The following UFSP2 variants were observed in gnomAD, a reference collection of about 807,000 sequenced individuals.
UFSP2 encodes the protein UFM1 specific peptidase 2.
In UFSP2, 43 loss-of-function variants were observed where a neutral mutation model predicts 60.2. That is an observed-to-expected ratio of 0.71 (90% CI 0.56 to 0.92). The LOEUF is 0.92. Among genes scored for constraint, UFSP2 ranks in the 40% least tolerant of loss-of-function variants. The pLI is 0.00. For missense variants in UFSP2, 520 were observed against 575.0 expected, an observed-to-expected ratio of 0.90 and a Z score of 0.98; for synonymous variants, 183 against 195.1, an observed-to-expected ratio of 0.94 and a Z score of 0.52.
chr4:185,418,535 A>G, intron 3 of UFSP2, 28 bp from the exon 4 acceptor site: 2 of 1,609,908 alleles, frequency 1.2e-6, no homozygotes. Flanking sequence ...AGACATTTAT[A>G]ATATGAAATG....
At chr4:185,416,862 G>A (rs1180471038) in intron 4 of UFSP2, among the ~76,000 whole-genome samples, 2 of 152,066 alleles carry the variant, frequency 1.3e-5, no homozygotes, top group Non-Finnish European at 2.9e-5. Context: ...AAGCATCTAT[G>A]GCAGATAATA....
rs542256425 is a variant in UFSP2 at position 185,413,820 on chromosome 4, G to C, written c.737C>G (p.Ser246Cys). The C allele has an allele frequency of 4.3e-6, 7 of 1,613,238 alleles. No individual in the cohort carries two copies. The highest frequency in any genetic ancestry group is 5.1e-6 in the Non-Finnish European group (6 of 1,179,572). ...CTCATCTGGAAAGTGATAAGCATTAGACCTTTTGAAATAGGGTCTGTCGTG... is the reference window on the plus strand; with the variant it reads ...CTCATCTGGAAAGTGATAAGCATTACACCTTTTGAAATAGGGTCTGTCGTG... ...LPHDRPYFKR[S>C]NAYHFPDEPY... Residue 246 changes from serine to cysteine, a missense_variant, in exon 7 of 12, where the codon TCT becomes TGT. Transcript: ENST00000264689.
At chr4:185,410,735 A>G (rs978541122) in intron 7 of UFSP2, among the ~76,000 whole-genome samples, 2 of 152,138 alleles carry the variant, frequency 1.3e-5, no homozygotes, top group Admixed American at 1.3e-4. Context: ...TCACGAGGTC[A>G]GGAGTTTGAG....
chr4:185,424,114 C>T (rs1580088614), intron 1 of UFSP2, among the ~76,000 whole-genome samples: 4 of 144,578 alleles, frequency 2.8e-5, no homozygotes, highest in Non-Finnish European at 1.5e-5. Context: ...CCAGACTGGG[C>T]AACATAGGAA....
Position 185,408,299 on chromosome 4 carries a change from G to T in UFSP2, c.968C>A (p.Ser323Tyr). 1 of 1,614,092 alleles carries T rather than the reference G, an allele frequency of 6.2e-7. No individual in the cohort carries two copies. Among genetic ancestry groups the T allele is most frequent in the Non-Finnish European group, 8.5e-7 (1 of 1,179,994 alleles). ...CTGAATTTCTCTGTGTGTTGGAATG[G>T]ACCTCTCTGTGTATCCCTGATGTTT... Reference protein sequence around the residue: ...WFKHQGYTERSIPTHREIQQA... With the variant: ...WFKHQGYTERYIPTHREIQQA... Residue 323 changes from serine (S) to tyrosine (Y), a missense_variant, in exon 8 of 12, where the codon TCC becomes TAC. Transcript: ENST00000264689.
At chr4:185,417,558 C>T (rs755250766) in intron 4 of UFSP2, among the ~76,000 whole-genome samples, 1 of 152,202 alleles carries the variant, frequency 6.6e-6, no homozygotes, top group Non-Finnish European at 1.5e-5. Context: ...TTTAGTTAGG[C>T]CTCTTCTAAA....
chr4:185,418,736 C>G lies in UFSP2; in HGVS notation c.117G>C (p.Leu39Phe). Reference protein sequence around the residue: ...IFLKKALKHVLSDLSTKLSSN... With the variant: ...IFLKKALKHVFSDLSTKLSSN... ...AAGACAGCTTAGTTGACAGGTCACT[C>G]AACACATGTTTCAGTGCCTTCTTGA... The change falls in exon 3 of 12, where the codon TTG (leucine) becomes TTC (phenylalanine). Residue 39 changes from leucine to phenylalanine, a missense_variant. By Grantham distance (22) the Leu-to-Phe change is conservative. Transcript: ENST00000264689. 3.7e-6 allele frequency: 6 copies of G among 1,607,912 alleles called. No homozygotes were observed. The highest frequency in any genetic ancestry group is 5.1e-6 in the Non-Finnish European group (6 of 1,178,474).
chr4:185,418,721 A>C lies in UFSP2; in HGVS notation c.132T>G (p.Thr44=). 1 of 1,613,598 alleles carries C rather than the reference A, an allele frequency of 6.2e-7. No homozygotes were observed. Among genetic ancestry groups the C allele is most frequent in the Non-Finnish European group, 8.5e-7 (1 of 1,179,842 alleles). The change falls in exon 3 of 12, where the codon ACT becomes ACG. Residue 44 remains threonine (T), a synonymous_variant. Coordinates refer to ENST00000264689, the MANE Select transcript of UFSP2 (RefSeq NM_018359.5). The part of the protein sequence containing the change: ...ALKHVLSDLS[T]KLSSNALVFR... ...ACACAAGGGCGTTTGAAGACAGCTTAGTTGACAGGTCACTCAACACATGTT... is the reference window on the plus strand; with the variant it reads ...ACACAAGGGCGTTTGAAGACAGCTTCGTTGACAGGTCACTCAACACATGTT...
At chr4:185,415,923 G>C in intron 4 of UFSP2, 56 bp from the exon 5 acceptor site, 1 of 1,397,266 alleles carries the variant, frequency 7.2e-7, no homozygotes, top group Non-Finnish European at 9.6e-7. Flanking sequence ...TAAATATAAA[G>C]AGTAAGTAAA....
At chr4:185,409,925 C>G (rs1360258450) in intron 7 of UFSP2, among the ~76,000 whole-genome samples, 1 of 152,116 alleles carries the variant, frequency 6.6e-6, no homozygotes, top group Non-Finnish European at 1.5e-5. Context: ...GGATTCTCCC[C>G]AAGAGCCTAT....
At chr4:185,412,369 C>T (rs1019206243) in intron 7 of UFSP2, among the ~76,000 whole-genome samples, 26 of 152,142 alleles carry the variant, frequency 1.7e-4, no homozygotes, top group African/African-American at 6.3e-4. Context: ...GCCCTGAGTA[C>T]ACTCTAATGA....
chr4:185,408,886 A>C (rs559778417), intron 7 of UFSP2, among the ~76,000 whole-genome samples: 13 of 151,202 alleles, frequency 8.6e-5, no homozygotes, highest in Non-Finnish European at 1.5e-4. Context: ...TTCTCTCACT[A>C]CCCCACCCCC....
intron 4 of UFSP2, among the ~76,000 whole-genome samples, chr4:185,417,246 GAC>G (rs2095540364): frequency 6.6e-6 from 1 of 152,118 alleles, no homozygotes. Flanking sequence ...CAAAAGGAGG[GAC>G]AGTCTTAAAA....
At chr4:185,409,300 A>G (rs1441874260) in intron 7 of UFSP2, among the ~76,000 whole-genome samples, 2 of 152,172 alleles carry the variant, frequency 1.3e-5, no homozygotes, top group African/African-American at 4.8e-5. Context: ...ATATCATATA[A>G]ATTCTTACTT....
chr4:185,409,418 A>G (rs1360924275), intron 7 of UFSP2, among the ~76,000 whole-genome samples: 2 of 152,032 alleles, frequency 1.3e-5, no homozygotes, highest in Non-Finnish European at 2.9e-5. Flanking sequence ...TTGAACTTCT[A>G]GGCTCAAGTG....
At chr4:185,413,486 A>G (rs77965951) in intron 7 of UFSP2, among the ~76,000 whole-genome samples, 2 of 152,310 alleles carry the variant, frequency 1.3e-5, no homozygotes, top group East Asian at 1.9e-4. Context: ...AAATGGGACA[A>G]GCCTTTAAAG....
At chr4:185,414,592 C>T (rs1157335036) in intron 6 of UFSP2, among the ~76,000 whole-genome samples, 2 of 152,128 alleles carry the variant, frequency 1.3e-5, no homozygotes, top group African/African-American at 4.8e-5. Flanking sequence ...GCTCCACGGT[C>T]TAATTTGATA....
At chr4:185,421,277 G>C (rs1237107473) in intron 2 of UFSP2, among the ~76,000 whole-genome samples, 1 of 152,228 alleles carries the variant, frequency 6.6e-6, no homozygotes, top group African/African-American at 2.4e-5. Context: ...CACGGGGCTA[G>C]TAAAGGATGG....
intron 7 of UFSP2, among the ~76,000 whole-genome samples, chr4:185,411,234 G>A (rs1402322863): frequency 6.6e-6 from 1 of 151,282 alleles, no homozygotes; most frequent in Non-Finnish European, 1.5e-5. Context: ...AAATCAAAAA[G>A]TCCTAAAGCT....
Sources: gnomAD v4.1 joint callset for allele counts (sites outside exome capture counted in the v4.1 genomes callset) on GRCh38, gnomAD v4.1.1 for gene constraint, MANE v1.5 for transcripts, NCBI Gene and HGNC (gene_info 2026-07-23, HGNC 2026-07-21) for gene names.